The following PRKN variants were observed in gnomAD, a reference collection of about 807,000 sequenced individuals.
PRKN encodes E3 ubiquitin-protein ligase parkin.
In PRKN, 56 loss-of-function variants were observed where a neutral mutation model predicts 59.5. The ratio of observed to expected loss-of-function variants is 0.94; its 90% CI spans 0.76 to 1.18. PRKN has a LOEUF of 1.18. Among genes scored for constraint, PRKN ranks in the 50% most tolerant of loss-of-function variants. The probability of loss-of-function intolerance (pLI) is 0.00; values close to 1 mark genes in which losing one functional copy is unlikely to be tolerated. For missense variants in PRKN, 657 were observed against 596.4 expected (o/e 1.10, Z -1.06); for synonymous variants, 250 against 222.1 (o/e 1.13, Z -1.12).
intron 1 of PRKN, among the ~76,000 whole-genome samples, chr6:162,663,365 C>T (rs751896370): frequency 4.7e-5 from 7 of 147,494 alleles, no homozygotes; most frequent in African/African-American, 7.6e-5. Flanking sequence ...GGGATGAGCA[C>T]GTAAGGGGAG....
chr6:161,740,189 T>C (rs1237805121), intron 7 of PRKN, among the ~76,000 whole-genome samples: 1 of 152,250 alleles, frequency 6.6e-6, no homozygotes, highest in East Asian at 1.9e-4. Flanking sequence ...GGAAAAGATA[T>C]ACTTTCCTTT....
intron 6 of PRKN, among the ~76,000 whole-genome samples, chr6:161,809,778 A>G (rs2128213120): frequency 6.6e-6 from 1 of 152,294 alleles, no homozygotes; most frequent in African/African-American, 2.4e-5. Flanking sequence ...CACATCATCA[A>G]CAGAATGTAA....
intron 2 of PRKN, among the ~76,000 whole-genome samples, chr6:162,384,177 A>C (rs10945824): frequency 0.42 from 64,020 of 152,036 alleles, 14,217 homozygotes; most frequent in East Asian, 0.71. Flanking sequence ...CAAATTGGCT[A>C]TTTGGCACAA....
intron 3 of PRKN, among the ~76,000 whole-genome samples, chr6:162,259,675 A>G (rs958830824): frequency 6.6e-6 from 1 of 152,254 alleles, no homozygotes; most frequent in Admixed American, 6.5e-5. Context: ...TGAAATCTCA[A>G]TTTCTCTGTA....
chr6:162,197,541 T>C (rs1583184578), intron 4 of PRKN, among the ~76,000 whole-genome samples: 2 of 152,216 alleles, frequency 1.3e-5, no homozygotes, highest in Non-Finnish European at 2.9e-5. Context: ...TAGATTTGTA[T>C]AGTGAGGACT....
At chr6:161,869,623 A>G (rs1178950223) in intron 6 of PRKN, among the ~76,000 whole-genome samples, 2 of 152,124 alleles carry the variant, frequency 1.3e-5, no homozygotes, top group Non-Finnish European at 2.9e-5. Context: ...GTTTCTGTCA[A>G]GAGAATCACA....
chr6:162,298,407 C>A (rs191771611), intron 2 of PRKN, among the ~76,000 whole-genome samples: 3 of 152,206 alleles, frequency 2.0e-5, no homozygotes, highest in Admixed American at 6.5e-5. Flanking sequence ...GTTCAGGTGT[C>A]TTGACATCCT....
intron 7 of PRKN, among the ~76,000 whole-genome samples, chr6:161,635,842 C>T (rs1783494083): frequency 1.3e-5 from 2 of 152,164 alleles, no homozygotes; most frequent in African/African-American, 4.8e-5. Context: ...CCTAGACAAT[C>T]CTGAAAGAGC....
chr6:161,914,617 A>G (rs1192055231), intron 6 of PRKN, among the ~76,000 whole-genome samples: 1 of 152,102 alleles, frequency 6.6e-6, no homozygotes, highest in Non-Finnish European at 1.5e-5. Flanking sequence ...CCATAACCCA[A>G]AGCACAAAAC....
intron 5 of PRKN, among the ~76,000 whole-genome samples, chr6:162,037,083 C>A (rs1339047327): frequency 6.6e-6 from 1 of 152,068 alleles, no homozygotes; most frequent in Non-Finnish European, 1.5e-5. Flanking sequence ...GGAAACTTTC[C>A]AGGGTACCTT....
At position 161,399,911 on chromosome 6, in the gene PRKN, TTAAC is replaced by T. The variant is rs1328810476; in HGVS notation, c.1084-13038_1084-13035del. 6.6e-6 allele frequency among the ~76,000 whole-genome samples: 1 copy of T among 152,224 alleles called. No individual in the cohort carries two copies. Among genetic ancestry groups the T allele is most frequent in the East Asian group, 1.9e-4 (1 of 5,204 alleles). On this transcript the variant is annotated intron_variant, in intron 9 of 11. Transcript: ENST00000366898. The surrounding 1 kb of genome is among the most constrained non-coding windows in gnomAD (Gnocchi z 4.4). ...AGTAAAATTAATTTCAATATTTTAC[TTAAC>T]TAAATATATTCAAAATTGTATCATT...
chr6:161,951,824 A>T (rs1348875922), intron 6 of PRKN, among the ~76,000 whole-genome samples: 2 of 151,982 alleles, frequency 1.3e-5, no homozygotes, highest in Non-Finnish European at 2.9e-5. Context: ...CGGGAGGCTG[A>T]GGCAGGAGAA....
intron 7 of PRKN, among the ~76,000 whole-genome samples, chr6:161,734,005 CAT>C (rs957025863): frequency 1.5e-4 from 17 of 110,586 alleles, no homozygotes; most frequent in African/African-American, 8.6e-4. Context: ...CACACACACA[CAT>C]ATTTGCTAAT....
In PRKN at chr6:161,739,553, C is replaced by T. The variant is rs927109432; in HGVS notation, c.871+46219G>A. 5.3e-5 allele frequency among the ~76,000 whole-genome samples: 8 copies of T among 152,064 alleles called. No homozygotes were observed. The South Asian group carries it at 1.0e-3, about 20-fold the overall frequency. On this transcript the variant is annotated intron_variant, in intron 7 of 11. Transcript: ENST00000366898. Reference sequence around the variant, plus strand: ...TACTTACGTGTATAATCGGATTAGTCGGGAAGAGTCGGCATGAGGTGTTTA... The same window carrying T: ...TACTTACGTGTATAATCGGATTAGTTGGGAAGAGTCGGCATGAGGTGTTTA...
At chr6:162,556,360 T>TGTGTGTGTGTGTGCGC (rs1294710748) in intron 1 of PRKN, among the ~76,000 whole-genome samples, 6 of 82,692 alleles carry the variant, frequency 7.3e-5, no homozygotes, top group East Asian at 9.0e-4. Flanking sequence ...TGTGTGTGTG[T>TGTGTGTGTGTGTGCGC]GTGTGTGTGT....
rs916430698 is a variant in PRKN at position 162,390,426 on chromosome 6, C to T, written c.171+52884G>A. On this transcript the variant is annotated intron_variant, in intron 2 of 11. Coordinates refer to ENST00000366898, the MANE Select transcript of PRKN (RefSeq NM_004562.3). ...ACACACACACACACACACACACACA[C>T]ACCTTATATATATATATATATTTGG... 2.8e-5 allele frequency among the ~76,000 whole-genome samples: 4 copies of T among 141,446 alleles called. No homozygotes were observed. The South Asian group carries it at 8.7e-4, about 31-fold the overall frequency. The allele number at this position is 141,446 out of a possible 152,430, so 92.8% of individuals were successfully genotyped here. A position where few individuals can be genotyped will look rare whatever the true frequency, so the allele number is the denominator to read the frequency against.
chr6:162,421,484 A>G (rs754579214), intron 2 of PRKN, among the ~76,000 whole-genome samples: 2 of 152,196 alleles, frequency 1.3e-5, no homozygotes, highest in Non-Finnish European at 2.9e-5. Context: ...ATTTAGCTAC[A>G]TGAAATGTTA....
intron 4 of PRKN, among the ~76,000 whole-genome samples, chr6:162,145,943 T>C (rs1782007785): frequency 6.6e-6 from 1 of 152,202 alleles, no homozygotes; most frequent in Non-Finnish European, 1.5e-5. Context: ...AATCAGAGGC[T>C]GAAGTGAAGA....
intron 6 of PRKN, among the ~76,000 whole-genome samples, chr6:161,970,554 T>C (rs1780763776): frequency 6.6e-6 from 1 of 151,936 alleles, no homozygotes; most frequent in African/African-American, 2.4e-5. Flanking sequence ...TTTTTTTTCT[T>C]GAGACGGAGT....
Sources: gnomAD v4.1 joint callset for allele counts (sites outside exome capture counted in the v4.1 genomes callset) on GRCh38, gnomAD v4.1.1 for gene constraint, Gnocchi (gnomAD v3.1) non-coding constraint, MANE v1.5 for transcripts, NCBI Gene and HGNC (gene_info 2026-07-23, HGNC 2026-07-21) for gene names.